The following ZGRF1 variants were observed in gnomAD, a reference collection of about 807,000 sequenced individuals.
ZGRF1 encodes 5'-3' DNA helicase ZGRF1.
In ZGRF1, 196 loss-of-function variants were observed where a neutral mutation model predicts 203.5. The ratio of observed to expected loss-of-function variants is 0.96; its 90% CI spans 0.86 to 1.08. The LOEUF is 1.08. Among genes scored for constraint, ZGRF1 ranks in the 50% least tolerant of loss-of-function variants. ZGRF1 has a pLI of 0.00. For missense variants in ZGRF1, 2,326 were observed against 2,416.3 expected, an observed-to-expected ratio of 0.96 and a Z score of 0.78; for synonymous variants, 809 against 841.3, an observed-to-expected ratio of 0.96 and a Z score of 0.66.
At position 112,547,002 on chromosome 4, in the gene ZGRF1, C is replaced by T. The variant is rs192905451; in HGVS notation, c.5598+283G>A. 2.4e-4 allele frequency: 55 copies of T among 233,046 alleles called. No homozygotes were observed. The Admixed American group carries it at 2.4e-3, about 10-fold the overall frequency. The allele number at this position is 233,046 out of a possible 1,614,324, so 14.4% of individuals were successfully genotyped here. ...ATTATTTACAATGTGAAGTAGTGCT[C>T]TAGGTAGATAATAGAGACATTATAG... On this transcript the variant is annotated intron_variant, in intron 24 of 27. Coordinates refer to ENST00000505019, the MANE Select transcript of ZGRF1 (RefSeq NM_018392.5).
intron 16 of ZGRF1, among the ~76,000 whole-genome samples, chr4:112,572,209 A>G (rs1580476): frequency 0.68 from 103,893 of 152,068 alleles, 35,933 homozygotes; most frequent in East Asian, 0.95. Flanking sequence ...CAGGCACACA[A>G]ACCAATAGAA....
At position 112,585,904 on chromosome 4, in the gene ZGRF1, T is replaced by TAA. The variant is rs34893186; in HGVS notation, c.3917-181_3917-180dup. ...ACAGGTCATTTGTAACACTTCTAGT[T>TAA]AAAAAAAAAAAAAAAAGGAAGAAAA... On this transcript the variant is annotated intron_variant, in intron 13 of 27. Transcript: ENST00000505019. Among the ~76,000 whole-genome samples the TAA allele has an allele frequency of 5.3e-4, 72 of 135,252 alleles. 1 individual carries two copies. Among genetic ancestry groups the TAA allele is most frequent in the East Asian group, 8.2e-4 (4 of 4,874 alleles). The allele number at this position is 135,252 out of a possible 152,430, so 88.7% of individuals were successfully genotyped here.
At chr4:112,570,314 C>T (rs1294949256) in intron 16 of ZGRF1, among the ~76,000 whole-genome samples, 2 of 152,124 alleles carry the variant, frequency 1.3e-5, no homozygotes, top group African/African-American at 2.4e-5. Flanking sequence ...GTAGGCTAGT[C>T]GTGGTGGCTC....
rs1305810804 is a variant in ZGRF1, at chr4:112,617,658, G to A, written c.2384C>T (p.Pro795Leu). ...AGTTTCAACCTCAACATGGTCAGGG[G>A]GTGGACTTCTAATCTTTCCCAAATC... ...PEDLGKIRSPPPDHVEVETAR... is the reference protein window; with the variant it reads ...PEDLGKIRSPLPDHVEVETAR... Residue 795 changes from proline (P) to leucine (L), a missense_variant, in exon 6 of 28, where the codon CCC (proline) becomes CTC (leucine). Transcript: ENST00000505019. 1 of 1,613,826 alleles carries A rather than the reference G, an allele frequency of 6.2e-7. No homozygotes were observed. Among genetic ancestry groups the A allele is most frequent in the Non-Finnish European group, 8.5e-7 (1 of 1,179,904 alleles).
At chr4:112,610,422 T>G (rs1321967237) in intron 7 of ZGRF1, among the ~76,000 whole-genome samples, 1 of 151,532 alleles carries the variant, frequency 6.6e-6, no homozygotes, top group Non-Finnish European at 1.5e-5. Context: ...AATACAAAAA[T>G]TATCCACACA....
chr4:112,572,406 A>G (rs1744369492), intron 16 of ZGRF1, among the ~76,000 whole-genome samples: 1 of 152,190 alleles, frequency 6.6e-6, no homozygotes, highest in African/African-American at 2.4e-5. Context: ...TCAACTAAAC[A>G]TGGATCGAGG....
chr4:112,608,762 G>C (rs1751140117), intron 8 of ZGRF1, among the ~76,000 whole-genome samples: 1 of 152,108 alleles, frequency 6.6e-6, no homozygotes, highest in Non-Finnish European at 1.5e-5. Flanking sequence ...AATGAAAAAT[G>C]GCAAGTAGCC....
Position 112,617,781 on chromosome 4 carries a change from T to C in ZGRF1, c.2261A>G (p.Asp754Gly). 2 of 1,614,078 alleles carry C rather than the reference T, an allele frequency of 1.2e-6. No homozygotes were observed. The highest frequency in any genetic ancestry group is 1.3e-5 in the African/African-American group (1 of 75,058). The part of the protein sequence containing the change: ...NQNHYECIAL[D>G]KSNTHISNSL... Reference sequence around the variant, plus strand: ...ATTGGAAATGTGGGTATTTGATTTATCAAGTGCAATACATTCATAGTGATT... The same window carrying C: ...ATTGGAAATGTGGGTATTTGATTTACCAAGTGCAATACATTCATAGTGATT... The change falls in exon 6 of 28, where the codon GAT (aspartate) becomes GGT (glycine). Residue 754 changes from aspartate to glycine, a missense_variant. Coordinates refer to ENST00000505019, the MANE Select transcript of ZGRF1 (RefSeq NM_018392.5).
Position 112,633,115 on chromosome 4 carries a change from G to A in ZGRF1, c.21+41C>T, listed in dbSNP as rs771135376. ...ACGCCTTTAAAAGAAAGAGACAGAG[G>A]AAGGGAATTTCACCAAACTGTGAAA... On this transcript the variant is annotated intron_variant, in intron 2 of 27. Transcript: ENST00000505019. The A allele has an allele frequency of 1.9e-6, 3 of 1,569,018 alleles. No individual in the cohort carries two copies. In the Admixed American group the frequency reaches 5.1e-5, roughly 27 times the overall value.
intron 4 of ZGRF1, among the ~76,000 whole-genome samples, chr4:112,621,216 T>A (rs987311861): frequency 1.3e-5 from 2 of 152,188 alleles, no homozygotes; most frequent in Admixed American, 6.5e-5. Context: ...TATATATCTT[T>A]AAATGAATAA....
chr4:112,624,163 CAAA>C (rs34831385), intron 3 of ZGRF1, among the ~76,000 whole-genome samples: 8 of 114,092 alleles, frequency 7.0e-5, no homozygotes, highest in Non-Finnish European at 7.5e-5. Context: ...TGCTACTGCT[CAAA>C]AAAAAAAAAA....
At chr4:112,607,121 G>T (rs1750887023) in intron 8 of ZGRF1, among the ~76,000 whole-genome samples, 1 of 151,952 alleles carries the variant, frequency 6.6e-6, no homozygotes, top group South Asian at 2.1e-4. Flanking sequence ...TTTAGAATTA[G>T]AATTTTTTCT....
At chr4:112,540,576 C>CT (rs1200482961) in intron 26 of ZGRF1, among the ~76,000 whole-genome samples, 6 of 152,066 alleles carry the variant, frequency 3.9e-5, no homozygotes, top group African/African-American at 7.2e-5. Flanking sequence ...CTCTAATTTG[C>CT]TTTTTGCATT....
intron 22 of ZGRF1, among the ~76,000 whole-genome samples, chr4:112,552,471 T>G (rs1740149223): frequency 6.6e-6 from 1 of 151,594 alleles, no homozygotes; most frequent in Non-Finnish European, 1.5e-5. Flanking sequence ...TCATTAACAA[T>G]GATATATATG....
chr4:112,588,929 C>T (rs1413336705), intron 11 of ZGRF1, among the ~76,000 whole-genome samples: 1 of 152,168 alleles, frequency 6.6e-6, no homozygotes, highest in African/African-American at 2.4e-5. Context: ...AAATCATCTA[C>T]TGTTCACTAC....
At chr4:112,542,200 A>C (rs1199452289) in intron 24 of ZGRF1, among the ~76,000 whole-genome samples, 3 of 152,044 alleles carry the variant, frequency 2.0e-5, no homozygotes, top group African/African-American at 7.2e-5. Context: ...TAATTAGCCA[A>C]GCATGGTGGC....
intron 16 of ZGRF1, among the ~76,000 whole-genome samples, chr4:112,576,649 G>A (rs963275260): frequency 5.9e-5 from 9 of 152,154 alleles, no homozygotes; most frequent in Admixed American, 6.5e-5. Flanking sequence ...CTCAGTAGCC[G>A]ATTCGATCAA....
At position 112,547,323 on chromosome 4, in the gene ZGRF1, C is replaced by T. The variant is rs1410544761; in HGVS notation, c.5560G>A (p.Gly1854Arg). Reference protein sequence around the residue: ...IQGSDAAHENGLEQTLFDRLC... With the variant: ...IQGSDAAHENRLEQTLFDRLC... Reference sequence around the variant, plus strand: ...CGATCAAAAAGAGTTTGTTCCAATCCATTTTCATGAGCTGCATCAGAACCC... The same window carrying T: ...CGATCAAAAAGAGTTTGTTCCAATCTATTTTCATGAGCTGCATCAGAACCC... The change falls in exon 24 of 28, where the codon GGA becomes AGA. Residue 1854 changes from glycine (G) to arginine (R), a missense_variant. By Grantham distance (125) the Gly-to-Arg change is moderately radical. Coordinates refer to ENST00000505019, the MANE Select transcript of ZGRF1 (RefSeq NM_018392.5). 6.2e-7 allele frequency: 1 copy of T among 1,613,418 alleles called. No homozygotes were observed. Among genetic ancestry groups the T allele is most frequent in the Non-Finnish European group, 8.5e-7 (1 of 1,179,700 alleles).
Position 112,618,777 on chromosome 4 carries a change from G to C in ZGRF1, c.1265C>G (p.Ala422Gly). 6.2e-7 allele frequency: 1 copy of C among 1,611,544 alleles called. No homozygotes were observed. Among genetic ancestry groups the C allele is most frequent in the African/African-American group, 1.3e-5 (1 of 74,988 alleles). The change falls in exon 6 of 28, where the codon GCA (alanine) becomes GGA (glycine). Residue 422 changes from alanine (A) to glycine (G), a missense_variant. Ala to Gly is a moderately conservative substitution (Grantham distance 60). Transcript: ENST00000505019. ...SSSLQVTCSS[A>G]ENDGILSESD... is the part of the protein sequence containing the mutation. ...TTCTGATAATATACCATCATTTTCT[G>C]CACTGCTACAAGTAACCTGTAAGCT...
Sources: allele counts gnomAD v4.1 joint callset (sites outside exome capture counted in the v4.1 genomes callset), GRCh38; gene constraint gnomAD v4.1.1; transcripts MANE v1.5; gene names NCBI Gene and HGNC (gene_info 2026-07-23, HGNC 2026-07-21).